Variants in RAB38 observed in about 807,000 individuals in gnomAD.
RAB38 encodes the protein ras-related protein Rab-38.
RAB38 carries 15 observed loss-of-function variants against 18.4 expected under a neutral mutation model. The observed-to-expected ratio is 0.82, with a 90% CI of 0.55 to 1.26. RAB38 has a LOEUF of 1.26. RAB38 is among the 50% of genes most tolerant of loss of function. RAB38 has a pLI of 0.00. For synonymous variants in RAB38, 101 were observed against 104.4 expected (o/e 0.97, Z 0.20); for missense variants, 294 against 267.4 (o/e 1.10, Z -0.69).
the RAB38 span, among the ~76,000 whole-genome samples, chr11:88,023,214 G>T: frequency 6.6e-6 from 1 of 151,782 alleles, no homozygotes; most frequent in Admixed American, 6.6e-5. Flanking sequence ...AAAGTTGTAA[G>T]GATACAAAAA....
chr11:87,853,467 G>T, the RAB38 span, among the ~76,000 whole-genome samples: 1 of 152,168 alleles, frequency 6.6e-6, no homozygotes, highest in African/African-American at 2.4e-5. Context: ...AAATGTGCTG[G>T]CGCCTTGGTC....
At chr11:87,924,146 C>G in the RAB38 span, among the ~76,000 whole-genome samples, 1,059 of 152,044 alleles carry the variant, frequency 7.0e-3, 9 homozygotes, top group Non-Finnish European at 0.01. Context: ...CACTATTTTC[C>G]TTATGTGACT....
At chr11:87,953,764 A>T in the RAB38 span, among the ~76,000 whole-genome samples, 1 of 152,138 alleles carries the variant, frequency 6.6e-6, no homozygotes, top group Non-Finnish European at 1.5e-5. Flanking sequence ...TGTAAATGAA[A>T]ATATCTGTAT....
chr11:87,823,554 C>T, the RAB38 span, among the ~76,000 whole-genome samples: 10 of 151,990 alleles, frequency 6.6e-5, no homozygotes, highest in Non-Finnish European at 1.3e-4. Context: ...CATTATCTAA[C>T]ATAAGAATAG....
chr11:88,033,283 C>T, the RAB38 span, among the ~76,000 whole-genome samples: 7 of 151,258 alleles, frequency 4.6e-5, no homozygotes, highest in Non-Finnish European at 5.9e-5. Flanking sequence ...TGCTAGATGA[C>T]GAGTTAGTGG....
At chr11:87,953,419 C>A in the RAB38 span, among the ~76,000 whole-genome samples, 1 of 152,176 alleles carries the variant, frequency 6.6e-6, no homozygotes, top group African/African-American at 2.4e-5. Context: ...GTAGTCCCCC[C>A]TTACTGGCAG....
intron 2 of RAB38, among the ~76,000 whole-genome samples, chr11:88,129,747 A>G (rs944364780): frequency 6.6e-6 from 1 of 152,226 alleles, no homozygotes; most frequent in Admixed American, 6.5e-5. Flanking sequence ...AATAAGATGG[A>G]GTTATTTTTA....
the RAB38 span, among the ~76,000 whole-genome samples, chr11:88,067,846 C>T: frequency 6.6e-6 from 1 of 151,532 alleles, no homozygotes; most frequent in Admixed American, 6.6e-5. Context: ...AGCAAACCAC[C>T]GTGGCACATG....
intron 2 of RAB38, among the ~76,000 whole-genome samples, chr11:88,126,251 C>T (rs904590966): frequency 6.6e-6 from 1 of 152,102 alleles, no homozygotes; most frequent in Non-Finnish European, 1.5e-5. Flanking sequence ...GACACATGCA[C>T]ACGTATGTTT....
chr11:88,016,334 G>T, the RAB38 span, among the ~76,000 whole-genome samples: 1 of 152,040 alleles, frequency 6.6e-6, no homozygotes, highest in African/African-American at 2.4e-5. Flanking sequence ...ATTTCAACAG[G>T]TTATAATGAG....
chr11:88,167,104 G>A (rs753542699), intron 1 of RAB38: 1 of 152,118 alleles, frequency 6.6e-6, no homozygotes, highest in Admixed American at 6.6e-5. Flanking sequence ...AGCAGAAAAA[G>A]TGTTTCCCTG....
chr11:88,174,620 CAAAAAAA>C (rs60026669), intron 1 of RAB38, among the ~76,000 whole-genome samples: 19 of 101,130 alleles, frequency 1.9e-4, no homozygotes, highest in East Asian at 7.0e-4. Context: ...AAGCAAAAAG[CAAAAAAA>C]AAAAAAAAAA....
At chr11:88,110,597 T>A (rs1942460839), downstream of RAB38, among the ~76,000 whole-genome samples, 1 of 151,910 alleles carries the variant, frequency 6.6e-6, no homozygotes, top group Non-Finnish European at 1.5e-5. Flanking sequence ...GGTGGGCAGA[T>A]TATGAGGTCA....
chr11:87,852,223 T>G, the RAB38 span, among the ~76,000 whole-genome samples: 1 of 151,954 alleles, frequency 6.6e-6, no homozygotes, highest in African/African-American at 2.4e-5. Flanking sequence ...GGTCAGAAAA[T>G]TATTCTGAGG....
At chr11:87,978,049 T>TTA in the RAB38 span, among the ~76,000 whole-genome samples, 1 of 58,732 alleles carries the variant, frequency 1.7e-5, no homozygotes, top group East Asian at 4.1e-4. Flanking sequence ...TACATCTATT[T>TTA]TTATCATATA....
the RAB38 span, among the ~76,000 whole-genome samples, chr11:87,844,401 C>T: frequency 6.6e-6 from 1 of 152,110 alleles, no homozygotes; most frequent in Admixed American, 6.6e-5. Flanking sequence ...CAGTTGGCGC[C>T]ATTACATAGA....
intron 2 of RAB38, among the ~76,000 whole-genome samples, chr11:88,145,814 A>G (rs1009653559): frequency 4.6e-5 from 7 of 152,186 alleles, no homozygotes; most frequent in Non-Finnish European, 1.0e-4. Flanking sequence ...ATTAAAAATG[A>G]AGGTATTATT....
At chr11:87,934,772 G>GA in the RAB38 span, among the ~76,000 whole-genome samples, 85 of 151,896 alleles carry the variant, frequency 5.6e-4, no homozygotes, top group African/African-American at 1.9e-3. Flanking sequence ...GTATTTAACA[G>GA]AAAAAAATAC....
chr11:88,057,814 T>C, the RAB38 span, among the ~76,000 whole-genome samples: 1 of 152,136 alleles, frequency 6.6e-6, no homozygotes, highest in African/African-American at 2.4e-5. Context: ...GTTCATTGCT[T>C]AGGATCTTTT....
Sources: gnomAD v4.1 joint callset for allele counts (sites outside exome capture counted in the v4.1 genomes callset) on GRCh38, gnomAD v4.1.1 for gene constraint, MANE v1.5 for transcripts, NCBI Gene and HGNC (gene_info 2026-07-23, HGNC 2026-07-21) for gene names.